The following EIF2B3 variants were observed in gnomAD, a reference collection of about 807,000 sequenced individuals.
The protein encoded by EIF2B3 is eukaryotic translation initiation factor 2B subunit gamma.
Under a neutral mutation model 54.1 loss-of-function variants are expected in EIF2B3, and 20 were observed. The ratio of observed to expected loss-of-function variants is 0.37; its 90% CI spans 0.26 to 0.54. The LOEUF is 0.54. Among genes scored for constraint, EIF2B3 ranks in the 20% least tolerant of loss-of-function variants. EIF2B3 has a pLI of 0.86. For synonymous variants in EIF2B3, 153 were observed against 188.1 expected, an observed-to-expected ratio of 0.81 and a Z score of 1.52; for missense variants, 448 against 547.8, an observed-to-expected ratio of 0.82 and a Z score of 1.82.
chr1:44,938,787 G>C (rs1267947164), intron 4 of EIF2B3, among the ~76,000 whole-genome samples: 1 of 151,972 alleles, frequency 6.6e-6, no homozygotes, highest in Non-Finnish European at 1.5e-5. Context: ...GTGCCCCCCA[G>C]TATCTTTTTA....
chr1:44,902,120 G>C (rs1643318902), intron 5 of EIF2B3, among the ~76,000 whole-genome samples: 1 of 152,060 alleles, frequency 6.6e-6, no homozygotes, highest in Non-Finnish European at 1.5e-5. Context: ...ATAAACCTAA[G>C]GGTTTATTTT....
intron 5 of EIF2B3, among the ~76,000 whole-genome samples, chr1:44,908,822 A>T (rs1295551755): frequency 6.6e-6 from 1 of 152,204 alleles, no homozygotes; most frequent in African/African-American, 2.4e-5. Flanking sequence ...ACTGGCCCCA[A>T]ACTTCTTCTA....
At chr1:44,921,894 A>ATT (rs1364327872) in intron 5 of EIF2B3, among the ~76,000 whole-genome samples, 4 of 129,966 alleles carry the variant, frequency 3.1e-5, no homozygotes, top group African/African-American at 1.4e-4. Context: ...CCATATATAT[A>ATT]TATTTTTTTA....
intron 5 of EIF2B3, among the ~76,000 whole-genome samples, chr1:44,910,620 C>T (rs57180038): frequency 3.4e-5 from 5 of 147,922 alleles, no homozygotes; most frequent in Admixed American, 6.8e-5. Context: ...TCCCCACCCC[C>T]CCAAGTAATG....
At chr1:44,902,050 T>TA (rs956015254) in intron 5 of EIF2B3, among the ~76,000 whole-genome samples, 4 of 152,174 alleles carry the variant, frequency 2.6e-5, no homozygotes, top group African/African-American at 9.7e-5. Flanking sequence ...ACAATTTGTG[T>TA]AAAAATCTAT....
chr1:44,877,206 A>AC (rs1557666505), intron 8 of EIF2B3, among the ~76,000 whole-genome samples: 24 of 145,414 alleles, frequency 1.7e-4, no homozygotes, highest in Admixed American at 6.2e-4. Context: ...AAAAAAAAAA[A>AC]AAAAAAAAAA....
chr1:44,875,685 A>G lies in EIF2B3; in HGVS notation c.986T>C (p.Leu329Ser), dbSNP rs1655101723. 1.2e-6 allele frequency: 2 copies of G among 1,614,004 alleles called. No homozygotes were observed. The highest frequency in any genetic ancestry group is 2.2e-5 in the South Asian group (2 of 91,082). Residue 329 changes from leucine to serine, a missense_variant, in exon 9 of 12, where the codon TTG (leucine) becomes TCG (serine). Coordinates refer to ENST00000360403, the MANE Select transcript of EIF2B3 (RefSeq NM_020365.5). Reference protein sequence around the residue: ...YMEANRQVPKLLSALCPEEPP... With the variant: ...YMEANRQVPKSLSALCPEEPP... ...TTCTTCTGGACAGAGAGCAGACAGC[A>G]ATTTGGGCACCTTAAGGACAGAGAT... is the stretch of plus-strand genomic sequence containing the variant.
intron 6 of EIF2B3, among the ~76,000 whole-genome samples, chr1:44,896,929 C>T (rs532195400): frequency 6.6e-6 from 1 of 152,296 alleles, no homozygotes; most frequent in East Asian, 1.9e-4. Context: ...TCTCCTTTTT[C>T]TCTTCTATGG....
At chr1:44,945,568 AG>A (rs780150577) in intron 3 of EIF2B3, among the ~76,000 whole-genome samples, 1 of 141,682 alleles carries the variant, frequency 7.1e-6, no homozygotes, top group Non-Finnish European at 1.5e-5. Context: ...AAAAAAAAAA[AG>A]TTCCCATAAA....
intron 6 of EIF2B3, among the ~76,000 whole-genome samples, chr1:44,885,741 G>C (rs902813180): frequency 2.0e-5 from 3 of 151,910 alleles, no homozygotes; most frequent in Admixed American, 2.0e-4. Flanking sequence ...GCAAAACTGT[G>C]ACTGTAAAGA....
intron 1 of EIF2B3, 111 bp from the exon 2 acceptor site, chr1:44,981,288 T>A: frequency 9.0e-7 from 1 of 1,109,802 alleles, no homozygotes. Context: ...CTATGTCAAA[T>A]GCATAATTCC....
intron 10 of EIF2B3, among the ~76,000 whole-genome samples, chr1:44,858,057 T>A (rs145869620): frequency 6.7e-6 from 1 of 150,146 alleles, no homozygotes; most frequent in East Asian, 2.0e-4. Flanking sequence ...ATATTCTGAC[T>A]TCACTTCAGT....
At chr1:44,855,776 C>T (rs1359759908) in intron 11 of EIF2B3, among the ~76,000 whole-genome samples, 3 of 152,110 alleles carry the variant, frequency 2.0e-5, no homozygotes, top group African/African-American at 7.2e-5. Context: ...AGGCTGGTTT[C>T]GAACTCCTGA....
At chr1:44,927,485 A>G (rs1643865253) in intron 4 of EIF2B3, among the ~76,000 whole-genome samples, 1 of 152,088 alleles carries the variant, frequency 6.6e-6, no homozygotes, top group Non-Finnish European at 1.5e-5. Context: ...CCATGACCCA[A>G]ACACCTCCCA....
chr1:44,966,198 G>A lies in EIF2B3; in HGVS notation c.294+12117C>T, dbSNP rs574679463. Among the ~76,000 whole-genome samples the A allele has an allele frequency of 7.9e-5, 12 of 152,110 alleles. No homozygotes were observed. The South Asian group carries it at 1.5e-3, about 18-fold the overall frequency. The stretch of plus-strand genomic sequence containing the variant: ...CTCAGGCCTGTAATCCCAGCACTTC[G>A]GGAGGCTGAGGAAGGAGGATCACAA... On this transcript the variant is annotated intron_variant, in intron 3 of 11. Transcript: ENST00000360403.
At chr1:44,964,465 T>C (rs576395902) in intron 3 of EIF2B3, among the ~76,000 whole-genome samples, 4 of 152,352 alleles carry the variant, frequency 2.6e-5, no homozygotes, top group African/African-American at 9.6e-5. Context: ...ATAAAAGACA[T>C]CAAACACTCA....
At chr1:44,976,061 A>AT (rs1644450159) in intron 3 of EIF2B3, among the ~76,000 whole-genome samples, 1 of 152,172 alleles carries the variant, frequency 6.6e-6, no homozygotes, top group Non-Finnish European at 1.5e-5. Flanking sequence ...ATGGGCAGAG[A>AT]TTTCTTAGGC....
rs142753066 is a variant in EIF2B3, at chr1:44,978,420, T to C, written c.189A>G (p.Leu63=). Residue 63 remains leucine (L), a synonymous_variant, in exon 3 of 12, where the codon CTA becomes CTG. Coordinates refer to ENST00000360403, the MANE Select transcript of EIF2B3 (RefSeq NM_020365.5). Reference sequence around the variant, plus strand: ...TCATTTTCATCTTGAATTCTGCACATAGAGCCTTTTGAACATCCCTGGTTG... The same window carrying C: ...TCATTTTCATCTTGAATTCTGCACACAGAGCCTTTTGAACATCCCTGGTTG... ...VVTTRDVQKA[L]CAEFKMKMKP... 37 of 1,613,790 alleles carry C rather than the reference T, an allele frequency of 2.3e-5. No homozygotes were observed. In the South Asian group the frequency reaches 3.0e-4, roughly 13 times the overall value.
intron 7 of EIF2B3, among the ~76,000 whole-genome samples, chr1:44,880,885 C>T (rs547959914): frequency 6.5e-4 from 99 of 151,934 alleles, no homozygotes; most frequent in African/African-American, 2.2e-3. Context: ...GGCGTGAACC[C>T]GGGAGGCGGA....
Sources: gnomAD v4.1 joint callset for allele counts (sites outside exome capture counted in the v4.1 genomes callset) on GRCh38, gnomAD v4.1.1 for gene constraint, MANE v1.5 for transcripts, NCBI Gene and HGNC (gene_info 2026-07-23, HGNC 2026-07-21) for gene names.